NDST4: variants seen among roughly 807,000 people sequenced by gnomAD.
NDST4 encodes N-deacetylase and N-sulfotransferase 4.
In NDST4, 63 loss-of-function variants were observed where a neutral mutation model predicts 100.8. The observed-to-expected ratio is 0.62, with a 90% CI of 0.51 to 0.77. NDST4 has a LOEUF of 0.77. Ranked by LOEUF, NDST4 falls within the 30% of genes least tolerant of loss-of-function variation. The probability of loss-of-function intolerance (pLI) is 0.00; values close to 1 mark genes in which losing one functional copy is unlikely to be tolerated. For missense variants in NDST4, 943 were observed against 1,018.4 expected, an observed-to-expected ratio of 0.93 and a Z score of 1.01; for synonymous variants, 377 against 361.8, an observed-to-expected ratio of 1.04 and a Z score of -0.48.
intron 11 of NDST4, among the ~76,000 whole-genome samples, chr4:114,835,103 C>T (rs553668654): frequency 6.6e-5 from 10 of 152,156 alleles, no homozygotes; most frequent in African/African-American, 2.4e-4. Flanking sequence ...TTTTTCATGT[C>T]TATCTCCTTC....
At chr4:114,994,272 C>T in intron 2 of NDST4, among the ~76,000 whole-genome samples, 1 of 152,038 alleles carries the variant, frequency 6.6e-6, no homozygotes, top group South Asian at 2.1e-4. Context: ...GACTTAACAC[C>T]TTCTGGTATA....
At chr4:115,016,665 G>A (rs1373277443) in intron 2 of NDST4, among the ~76,000 whole-genome samples, 1 of 152,034 alleles carries the variant, frequency 6.6e-6, no homozygotes, top group Non-Finnish European at 1.5e-5. Flanking sequence ...CTCCACAATG[G>A]AGGAAAGGGA....
chr4:115,093,073 G>A lies in NDST4; in HGVS notation c.-246-15791C>T, dbSNP rs188311718. On this transcript the variant is annotated intron_variant, in intron 1 of 13. Coordinates refer to ENST00000264363, the MANE Select transcript of NDST4 (RefSeq NM_022569.3). Reference sequence around the variant, plus strand: ...TTTAAATGTGTATGCATCCAATATCGTGGCCTCAAATTTACAAAGCAAAAA... The same window carrying A: ...TTTAAATGTGTATGCATCCAATATCATGGCCTCAAATTTACAAAGCAAAAA... Among the ~76,000 whole-genome samples, 29 of 152,204 alleles carry A rather than the reference G, an allele frequency of 1.9e-4. 1 individual carries two copies. Among genetic ancestry groups the A allele is most frequent in the Admixed American group, 7.2e-4 (11 of 15,266 alleles).
rs1294299859 is a variant in NDST4, at chr4:114,935,253, T to C, written c.1489A>G (p.Lys497Glu). 1.2e-6 allele frequency: 2 copies of C among 1,610,954 alleles called. No homozygotes were observed. Among genetic ancestry groups the C allele is most frequent in the Admixed American group, 1.7e-5 (1 of 59,464 alleles). The change falls in exon 6 of 14, where the codon AAA (lysine) becomes GAA (glutamate). Residue 497 changes from lysine (K) to glutamate (E), a missense_variant. Transcript: ENST00000264363. ...AAAAGTTCACCTCCTCTGATACTTTTATCCAGTTCTTGGGGTCCTCCTGGA... is the reference window on the plus strand; with the variant it reads ...AAAAGTTCACCTCCTCTGATACTTTCATCCAGTTCTTGGGGTCCTCCTGGA... ...EYPGGPQELD[K>E]SIRGGELFLT... is the part of the protein sequence containing the mutation.
chr4:114,835,201 A>G (rs1280116218), intron 11 of NDST4, among the ~76,000 whole-genome samples: 1 of 151,948 alleles, frequency 6.6e-6, no homozygotes, highest in Non-Finnish European at 1.5e-5. Flanking sequence ...AGTTCTTTTA[A>G]TTATGATGTT....
intron 1 of NDST4, among the ~76,000 whole-genome samples, chr4:115,081,980 T>C (rs1729314272): frequency 2.0e-5 from 3 of 152,188 alleles, no homozygotes; most frequent in South Asian, 2.1e-4. Context: ...CATGTTCTAA[T>C]AAATCTTTCG....
chr4:114,871,966 G>A (rs1259621704), intron 6 of NDST4, among the ~76,000 whole-genome samples: 1 of 151,918 alleles, frequency 6.6e-6, no homozygotes, highest in Non-Finnish European at 1.5e-5. Context: ...AACATCTGAA[G>A]CTGAACAGAA....
intron 2 of NDST4, among the ~76,000 whole-genome samples, chr4:114,984,159 T>G (rs1046441638): frequency 6.7e-6 from 1 of 148,420 alleles, no homozygotes; most frequent in Admixed American, 6.7e-5. Context: ...TTTATTTATT[T>G]ATTTATTTAT....
At chr4:115,019,902 C>A (rs549332713) in intron 2 of NDST4, among the ~76,000 whole-genome samples, 2 of 152,104 alleles carry the variant, frequency 1.3e-5, no homozygotes, top group Non-Finnish European at 2.9e-5. Flanking sequence ...GCCCTCACCT[C>A]CAGAATCATG....
intron 3 of NDST4, among the ~76,000 whole-genome samples, chr4:114,975,433 T>C (rs1726611052): frequency 6.6e-6 from 1 of 152,134 alleles, no homozygotes; most frequent in African/African-American, 2.4e-5. Flanking sequence ...GAGTCAATAA[T>C]GCCTGCTTAA....
At chr4:114,841,279 G>A (rs1723418037) in intron 10 of NDST4, among the ~76,000 whole-genome samples, 3 of 152,176 alleles carry the variant, frequency 2.0e-5, no homozygotes, top group Non-Finnish European at 4.4e-5. Context: ...AAAATGTGGG[G>A]TAGAAATTAC....
At chr4:115,001,993 T>G (rs577698440) in intron 2 of NDST4, among the ~76,000 whole-genome samples, 1 of 152,276 alleles carries the variant, frequency 6.6e-6, no homozygotes, top group Non-Finnish European at 1.5e-5. Context: ...ATAGTTTATC[T>G]CCTCCTCTAT....
At chr4:114,985,860 G>A (rs1161082111) in intron 2 of NDST4, among the ~76,000 whole-genome samples, 1 of 152,144 alleles carries the variant, frequency 6.6e-6, no homozygotes, top group Non-Finnish European at 1.5e-5. Flanking sequence ...TTGAGGCATG[G>A]AAAATAACAG....
intron 2 of NDST4, among the ~76,000 whole-genome samples, chr4:115,047,414 T>G (rs1481481332): frequency 6.6e-6 from 1 of 152,114 alleles, no homozygotes; most frequent in Non-Finnish European, 1.5e-5. Flanking sequence ...TTTAGCATAT[T>G]CCTTGCCCTG....
chr4:114,892,753 T>C (rs957914406), intron 6 of NDST4, among the ~76,000 whole-genome samples: 1 of 151,888 alleles, frequency 6.6e-6, no homozygotes, highest in Non-Finnish European at 1.5e-5. Flanking sequence ...GGGTGGGAGT[T>C]GGGAGGGCAG....
intron 4 of NDST4, among the ~76,000 whole-genome samples, chr4:114,959,023 T>C (rs955167440): frequency 2.0e-5 from 3 of 152,138 alleles, no homozygotes; most frequent in East Asian, 1.9e-4. Flanking sequence ...CACAGATCTC[T>C]AGGGCAGGGG....
chr4:114,962,722 G>C (rs555727294), intron 4 of NDST4, among the ~76,000 whole-genome samples: 9 of 152,192 alleles, frequency 5.9e-5, no homozygotes, highest in African/African-American at 2.2e-4. Flanking sequence ...ATATTGGTAA[G>C]AGCTGTATTT....
At chr4:115,028,927 A>G (rs1055712754) in intron 2 of NDST4, among the ~76,000 whole-genome samples, 2 of 152,170 alleles carry the variant, frequency 1.3e-5, no homozygotes, top group South Asian at 4.1e-4. Context: ...AAAAACCACA[A>G]AGGATAATAC....
chr4:114,990,460 A>C (rs1476986309), intron 2 of NDST4, among the ~76,000 whole-genome samples: 2 of 152,210 alleles, frequency 1.3e-5, no homozygotes, highest in East Asian at 3.9e-4. Context: ...CCTTGACCAA[A>C]AGATATTTTA....
Sources: gnomAD v4.1 joint callset for allele counts (sites outside exome capture counted in the v4.1 genomes callset) on GRCh38, gnomAD v4.1.1 for gene constraint, MANE v1.5 for transcripts, NCBI Gene and HGNC (gene_info 2026-07-23, HGNC 2026-07-21) for gene names.